Variants in SSUH2 observed in about 807,000 individuals in gnomAD.
The protein encoded by SSUH2 is protein SSUH2 homolog.
A neutral mutation model predicts 55.3 loss-of-function variants in SSUH2; 47 were observed. The observed-to-expected ratio is 0.85, with a 90% CI of 0.67 to 1.08. The LOEUF (loss-of-function observed/expected upper bound fraction) is 1.08. Ranked by LOEUF, SSUH2 falls within the 50% of genes least tolerant of loss-of-function variation. The probability of loss-of-function intolerance (pLI) is 0.00; values close to 1 mark genes in which losing one functional copy is unlikely to be tolerated. For missense variants in SSUH2, 535 were observed against 490.7 expected (o/e 1.09, Z -0.85); for synonymous variants, 212 against 191.5 (o/e 1.11, Z -0.89).
intron 5 of SSUH2, among the ~76,000 whole-genome samples, chr3:8,667,184 T>C (rs1704069367): frequency 6.6e-6 from 1 of 152,188 alleles, no homozygotes; most frequent in Non-Finnish European, 1.5e-5. Flanking sequence ...TATTTCTTGA[T>C]TATATAACAA....
chr3:8,671,801 C>A (rs1365946186), intron 4 of SSUH2: 3 of 131,396 alleles, frequency 2.3e-5, no homozygotes, highest in Admixed American at 7.5e-5. Context: ...GTAATATCAC[C>A]CCCCCTCTCC....
In SSUH2 at chr3:8,630,890, C is replaced by T. The variant is rs1698633219; in HGVS notation, c.440G>A (p.Arg147Lys). The change falls in exon 6 of 12, where the codon AGG becomes AAG. Residue 147 changes from arginine to lysine, a missense_variant. Coordinates refer to ENST00000544814, the MANE Select transcript of SSUH2 (RefSeq NM_001256748.3). ...ACCTTGAACCTTGATGTCCCAGAGC[C>T]TGGGGGAGGCGCCTCTTTGCGGCCC... Reference protein sequence around the residue: ...VDGPQRGASPRLWDIKVQGPP... With the variant: ...VDGPQRGASPKLWDIKVQGPP... 34 of 1,470,514 alleles carry T rather than the reference C, an allele frequency of 2.3e-5. No homozygotes were observed. The highest frequency in any genetic ancestry group is 3.1e-5 in the Non-Finnish European group (34 of 1,110,652). The allele number at this position is 1,470,514 out of a possible 1,614,324, so 91.1% of individuals were successfully genotyped here.
At chr3:8,664,621 C>T (rs1703813866) in intron 5 of SSUH2, among the ~76,000 whole-genome samples, 2 of 152,284 alleles carry the variant, frequency 1.3e-5, no homozygotes, top group South Asian at 4.1e-4. Flanking sequence ...TCTTCAGAAG[C>T]TATGTACACA....
rs765085847 is a variant in SSUH2, at chr3:8,627,730, T to TCTCC, written c.638_641dup (p.Cys215GlufsTer49). The TCTCC allele has an allele frequency of 7.5e-6, 12 of 1,608,204 alleles. No homozygotes were observed. The African/African-American group carries it at 1.6e-4, about 22-fold the overall frequency. ...TGCCGGACCCCGCGCACAGCTGACATCTCCGGGACTGCTTGGCTTTGCGCT... is the reference window on the plus strand; with the variant it reads ...TGCCGGACCCCGCGCACAGCTGACATCTCCCTCCGGGACTGCTTGGCTTTGCGCT... On this transcript the variant is annotated frameshift_variant, in exon 8 of 12. Transcript: ENST00000544814. LOFTEE classifies it high-confidence loss of function.
intron 7 of SSUH2, among the ~76,000 whole-genome samples, chr3:8,654,591 T>G (rs1575299195): frequency 6.6e-6 from 1 of 152,202 alleles, no homozygotes; most frequent in East Asian, 1.9e-4. Flanking sequence ...TTAGTAGGAA[T>G]AGAACCGTAG....
upstream of SSUH2, among the ~76,000 whole-genome samples, chr3:8,645,237 T>A (rs1483613552): frequency 1.3e-5 from 2 of 152,132 alleles, no homozygotes; most frequent in African/African-American, 4.8e-5. Flanking sequence ...ATACAGATAC[T>A]CAGCCTGGGC....
intron 8 of SSUH2, 136 bp from the exon 9 acceptor site, chr3:8,626,457 GTCC>G: frequency 4.7e-6 from 3 of 643,392 alleles, no homozygotes; most frequent in Non-Finnish European, 8.4e-6. Context: ...CCACCACCTA[GTCC>G]TCCTTCTGCT....
intron 7 of SSUH2, among the ~76,000 whole-genome samples, chr3:8,629,031 A>T (rs536237227): frequency 6.6e-6 from 1 of 150,540 alleles, no homozygotes; most frequent in South Asian, 2.1e-4. Flanking sequence ...AATTTTTTGT[A>T]TTTTTTTTTA....
chr3:8,629,817 G>C, intron 6 of SSUH2, 91 bp from the exon 7 acceptor site: 3 of 1,234,212 alleles, frequency 2.4e-6, no homozygotes, highest in Non-Finnish European at 3.6e-6. Context: ...AGGTGGAGTG[G>C]ATCAGGACCA....
intron 10 of SSUH2, among the ~76,000 whole-genome samples, chr3:8,624,323 G>A (rs572909693): frequency 3.9e-5 from 6 of 152,324 alleles, no homozygotes; most frequent in Non-Finnish European, 7.3e-5. Context: ...TGAGACGGTG[G>A]TCAGAGCTCA....
rs1289825806 is a variant in SSUH2, at chr3:8,678,969, AGG to A, written c.-901+734_-901+735del. Reference sequence around the variant, plus strand: ...TCCTGGCTCTTGGGACGCCCATCGCAGGGCGGAGAGTCACCCCCCGCGAGGTG... The same window carrying A: ...TCCTGGCTCTTGGGACGCCCATCGCAGCGGAGAGTCACCCCCCGCGAGGTG... On this transcript the variant is annotated intron_variant, in intron 2 of 18. Transcript: ENST00000317371. Among the ~76,000 whole-genome samples the A allele has an allele frequency of 3.0e-5, 3 of 99,452 alleles. No homozygotes were observed. In the East Asian group the frequency reaches 7.8e-4, roughly 26 times the overall value. 65.2% of individuals were successfully genotyped at this position (99,452 alleles called of 152,430 possible).
chr3:8,620,119 G>T, intron 11 of SSUH2, 105 bp from the exon 12 acceptor site: 2 of 1,280,192 alleles, frequency 1.6e-6, no homozygotes, highest in Non-Finnish European at 2.1e-6. Flanking sequence ...GAAAGGTCCT[G>T]CTCTGGAGTT....
intron 7 of SSUH2, among the ~76,000 whole-genome samples, chr3:8,656,595 C>G (rs1191603589): frequency 1.3e-5 from 2 of 152,202 alleles, no homozygotes; most frequent in African/African-American, 4.8e-5. Flanking sequence ...GCGAGGAAGA[C>G]ACAACCCCTG....
At chr3:8,663,591 G>A (rs12634985) in intron 6 of SSUH2, 32,637 of 262,512 alleles carry the variant, frequency 0.12, 2,269 homozygotes, top group African/African-American at 0.18. Flanking sequence ...CTGGCTGGGT[G>A]TGATATCTCC....
At chr3:8,633,893 G>A (rs1441080044) in intron 3 of SSUH2, 98 bp from the exon 4 acceptor site, 3 of 1,613,976 alleles carry the variant, frequency 1.9e-6, no homozygotes, top group South Asian at 1.1e-5. Context: ...AGAAACTGAG[G>A]CCACGGTAGT....
chr3:8,662,037 C>T (rs1258577208), intron 6 of SSUH2, among the ~76,000 whole-genome samples: 4 of 152,286 alleles, frequency 2.6e-5, no homozygotes, highest in African/African-American at 4.8e-5. Context: ...GCCCCAGCCA[C>T]GTGGAACTGT....
intron 10 of SSUH2, among the ~76,000 whole-genome samples, 199 bp downstream of exon 10, chr3:8,625,343 A>G (rs552558237): frequency 7.2e-5 from 11 of 152,222 alleles, no homozygotes; most frequent in Admixed American, 5.2e-4. Context: ...GGAAGGACAG[A>G]GGGCTGAGTG....
At chr3:8,621,302 A>G (rs1696383008) in intron 11 of SSUH2, among the ~76,000 whole-genome samples, 1 of 152,134 alleles carries the variant, frequency 6.6e-6, no homozygotes, top group African/African-American at 2.4e-5. Context: ...TCCTGTTGGG[A>G]AAAGAACCCC....
chr3:8,629,438 G>T (rs1380841065), intron 7 of SSUH2: 2 of 568,224 alleles, frequency 3.5e-6, no homozygotes, highest in Admixed American at 3.2e-5. Flanking sequence ...GAAAATAAGA[G>T]AAAAATTAAA....
Sources: gnomAD v4.1 joint callset for allele counts (sites outside exome capture counted in the v4.1 genomes callset) on GRCh38, gnomAD v4.1.1 for gene constraint, MANE v1.5 for transcripts, NCBI Gene and HGNC (gene_info 2026-07-23, HGNC 2026-07-21) for gene names.